Variants in UNC13A observed in about 807,000 individuals in gnomAD.
UNC13A encodes protein unc-13 homolog A.
A neutral mutation model predicts 219.7 loss-of-function variants in UNC13A; 61 were observed. The observed-to-expected ratio is 0.28, with a 90% CI of 0.23 to 0.34. The LOEUF (loss-of-function observed/expected upper bound fraction) is 0.34, where lower values mean the gene tolerates loss of function less well. UNC13A is among the 10% of genes least tolerant of loss of function. The probability of loss-of-function intolerance (pLI) is 1.00; values close to 1 mark genes in which losing one functional copy is unlikely to be tolerated. For missense variants in UNC13A, 1,476 were observed against 2,270.3 expected, an observed-to-expected ratio of 0.65 and a Z score of 7.11; for synonymous variants, 920 against 884.6, an observed-to-expected ratio of 1.04 and a Z score of -0.71.
chr19:17,651,528 G>A (rs1238878152), intron 12 of UNC13A, among the ~76,000 whole-genome samples: 1 of 152,192 alleles, frequency 6.6e-6, no homozygotes, highest in Admixed American at 6.5e-5. Context: ...GCCTGGCCCC[G>A]AAAAGGTTTT....
chr19:17,630,037 A>G, intron 30 of UNC13A, 108 bp downstream of exon 30: 2 of 1,275,040 alleles, frequency 1.6e-6, no homozygotes, highest in Non-Finnish European at 1.1e-6. Flanking sequence ...CCTCAATGAC[A>G]TCACCAACTC....
intron 1 of UNC13A, among the ~76,000 whole-genome samples, chr19:17,680,879 C>CTTTTTT: frequency 1.2e-5 from 1 of 80,186 alleles, no homozygotes; most frequent in Non-Finnish European, 2.6e-5. Context: ...CTTTTTTTTT[C>CTTTTTT]TTTTCTTTTC....
Position 17,620,685 on chromosome 19 carries a change from G to T in UNC13A, c.4272+8C>A, listed in dbSNP as rs375330473. 6.2e-7 allele frequency: 1 copy of T among 1,612,702 alleles called. No homozygotes were observed. Among genetic ancestry groups the T allele is most frequent in the Non-Finnish European group, 8.5e-7 (1 of 1,179,544 alleles). On this transcript the variant is annotated splice_region_variant and intron_variant, in intron 38 of 43. Transcript: ENST00000519716. Reference sequence around the variant, plus strand: ...GGAGCCAGACAGACAGTGAGAGGCCGGTCTTACGTCTGAGTGGCTTGGCAA... The same window carrying T: ...GGAGCCAGACAGACAGTGAGAGGCCTGTCTTACGTCTGAGTGGCTTGGCAA...
intron 3 of UNC13A, among the ~76,000 whole-genome samples, chr19:17,673,124 G>A (rs1483820728): frequency 6.6e-6 from 1 of 152,102 alleles, no homozygotes; most frequent in African/African-American, 2.4e-5. Context: ...TTGGGAGGCC[G>A]AGATGGGCGG....
intron 1 of UNC13A, among the ~76,000 whole-genome samples, chr19:17,685,817 C>G (rs999429991): frequency 6.6e-6 from 1 of 151,996 alleles, no homozygotes. Flanking sequence ...TGTGGGTCCC[C>G]GGTGGAGGGG....
Position 17,606,147 on chromosome 19 carries a change from C to T in UNC13A, c.5019G>A (p.Ser1673=). Reference sequence around the variant, plus strand: ...TGGCCACCTCGTCGTTGCTGCGCTGCGAGAGGATTCGCAGCACCGTGAGGC... The same window carrying T: ...TGGCCACCTCGTCGTTGCTGCGCTGTGAGAGGATTCGCAGCACCGTGAGGC... The part of the protein sequence containing the change: ...DTGLTVLRIL[S]QRSNDEVAKE... Residue 1673 remains serine, a synonymous_variant, in exon 44 of 44, where the codon TCG becomes TCA. Transcript: ENST00000519716. 6.3e-7 allele frequency: 1 copy of T among 1,588,096 alleles called. No homozygotes were observed. Among genetic ancestry groups the T allele is most frequent in the Non-Finnish European group, 8.6e-7 (1 of 1,168,998 alleles).
intron 3 of UNC13A, among the ~76,000 whole-genome samples, chr19:17,673,588 G>T (rs1599409843): frequency 6.6e-6 from 1 of 151,566 alleles, no homozygotes; most frequent in East Asian, 1.9e-4. Flanking sequence ...AGCTACTCGG[G>T]AGGCTAAGGC....
chr19:17,658,311 G>C (rs1180375689), intron 8 of UNC13A, 42 bp from the exon 9 acceptor site: 7 of 1,562,928 alleles, frequency 4.5e-6, no homozygotes, highest in Non-Finnish European at 5.2e-6. Context: ...GAGGAAGAGA[G>C]AGTGCACATG....
At chr19:17,630,543 A>T in intron 29 of UNC13A, 111 bp downstream of exon 29, 1 of 1,267,218 alleles carries the variant, frequency 7.9e-7, no homozygotes, top group Non-Finnish European at 1.1e-6. Context: ...CATGAGCAAG[A>T]CAAAGATGGC....
At chr19:17,679,096 AAAT>A (rs1196653290) in intron 1 of UNC13A, among the ~76,000 whole-genome samples, 78 of 152,040 alleles carry the variant, frequency 5.1e-4, no homozygotes, top group African/African-American at 1.8e-3. Context: ...CCATGTCTAA[AAAT>A]AATAATTTAA....
chr19:17,671,497 A>G (rs1383045972), intron 4 of UNC13A, among the ~76,000 whole-genome samples: 1 of 152,102 alleles, frequency 6.6e-6, no homozygotes, highest in Non-Finnish European at 1.5e-5. Flanking sequence ...ACGGCCTGGC[A>G]TGGTGGCTCG....
intron 5 of UNC13A, among the ~76,000 whole-genome samples, chr19:17,668,740 C>T (rs1325817694): frequency 2.0e-5 from 3 of 152,210 alleles, no homozygotes; most frequent in South Asian, 2.1e-4. Context: ...CCATCTGCCT[C>T]GGCCTCTCAA....
In UNC13A at chr19:17,649,917, C is replaced by T. The variant is rs1281969083; in HGVS notation, c.1440-330G>A. Among the ~76,000 whole-genome samples the T allele has an allele frequency of 6.6e-6, 1 of 152,082 alleles. No individual in the cohort carries two copies. Among genetic ancestry groups the T allele is most frequent in the Non-Finnish European group, 1.5e-5 (1 of 68,014 alleles). On this transcript the variant is annotated intron_variant, in intron 12 of 43. Coordinates refer to ENST00000519716, the MANE Select transcript of UNC13A (RefSeq NM_001080421.3). This position sits in a 1 kb window ranked among gnomAD's most constrained non-coding sequence, Gnocchi z 4.4. ...AAAGCGACGTATCTACAAACCAATA[C>T]TCGGGGGCCAAGGAATTCAAGCAAA...
chr19:17,655,320 G>A lies in UNC13A; in HGVS notation c.1346C>T (p.Ala449Val), dbSNP rs367702602. The change falls in exon 11 of 44, where the codon GCC becomes GTC. Residue 449 changes from alanine (A) to valine (V), a missense_variant. By Grantham distance (64) the Ala-to-Val change is moderately conservative (BLOSUM62 0). Coordinates refer to ENST00000519716, the MANE Select transcript of UNC13A (RefSeq NM_001080421.3). ...CTTGTTGAAGGCACGCAGCCAGTTG[G>A]CCTTGGCCCTGGACATGGAGTCCTG... ...EGQDSMSRAK[A>V]NWLRAFNKVR... is the part of the protein sequence containing the mutation. 2 of 1,591,512 alleles carry A rather than the reference G, an allele frequency of 1.3e-6. No individual in the cohort carries two copies. Among genetic ancestry groups the A allele is most frequent in the African/African-American group, 2.7e-5 (2 of 74,544 alleles).
chr19:17,684,089 G>A (rs979414467), intron 1 of UNC13A, among the ~76,000 whole-genome samples: 6 of 152,172 alleles, frequency 3.9e-5, no homozygotes, highest in Non-Finnish European at 7.3e-5. Flanking sequence ...GGCTTTGAGT[G>A]AGACTCTGTC....
At position 17,660,900 on chromosome 19, in the gene UNC13A, A is replaced by G. The variant is rs554570947; in HGVS notation, c.560-2631T>C. Among the ~76,000 whole-genome samples the G allele has an allele frequency of 1.6e-4, 25 of 152,040 alleles. 1 individual carries two copies. The South Asian group carries it at 5.0e-3, about 30-fold the overall frequency. ...GTTATCGAGCTTGCCCTGTCTGCCA[A>G]GCATTCATTTTGGCAAAATTGATTT... On this transcript the variant is annotated intron_variant, in intron 8 of 43. Coordinates refer to ENST00000519716, the MANE Select transcript of UNC13A (RefSeq NM_001080421.3).
At chr19:17,648,409 T>A (rs1009251123) in intron 16 of UNC13A, 22 bp downstream of exon 16, 1 of 1,405,130 alleles carries the variant, frequency 7.1e-7, no homozygotes, top group Non-Finnish European at 9.4e-7. Flanking sequence ...CCCGTGGCCC[T>A]GCGCTCAGGC....
rs2079868944 is a variant in UNC13A at position 17,674,976 on chromosome 19, G to C, written c.53-220C>G. The stretch of plus-strand genomic sequence containing the variant: ...GCTGCTTCGAAATGACCATGCCATT[G>C]GTTTTCAGCTAAAAAGACTGAGGTC... On this transcript the variant is annotated intron_variant, in intron 2 of 43. Coordinates refer to ENST00000519716, the MANE Select transcript of UNC13A (RefSeq NM_001080421.3). The surrounding 1 kb of genome is among the most constrained non-coding windows in gnomAD (Gnocchi z 5.0). Among the ~76,000 whole-genome samples, 1 of 152,138 alleles carries C rather than the reference G, an allele frequency of 6.6e-6. No homozygotes were observed. The highest frequency in any genetic ancestry group is 1.9e-4 in the East Asian group (1 of 5,178).
chr19:17,688,270 G>T lies in UNC13A; in HGVS notation c.-71C>A. The T allele has an allele frequency of 1.4e-6, 2 of 1,382,854 alleles. No homozygotes were observed. The highest frequency in any genetic ancestry group is 1.9e-6 in the Non-Finnish European group (2 of 1,069,106). 85.7% of individuals were successfully genotyped at this position (1,382,854 alleles called of 1,614,324 possible). ...TCGGGTCGGGCTCAGCGGCCGCTGG[G>T]CTGGGGCATCTCCCGGCTGCAGCCC... On this transcript the variant is annotated 5_prime_UTR_variant, in exon 1 of 44. Coordinates refer to ENST00000519716, the MANE Select transcript of UNC13A (RefSeq NM_001080421.3).
Sources: allele counts gnomAD v4.1 joint callset (sites outside exome capture counted in the v4.1 genomes callset), GRCh38; gene constraint gnomAD v4.1.1; non-coding constraint Gnocchi (gnomAD v3.1); transcripts MANE v1.5; gene names NCBI Gene and HGNC (gene_info 2026-07-23, HGNC 2026-07-21).